The following CNBD1 variants were observed in gnomAD, a reference collection of about 807,000 sequenced individuals.
CNBD1 encodes the protein cyclic nucleotide-binding domain-containing protein 1.
In CNBD1, 71 loss-of-function variants were observed where a neutral mutation model predicts 54.4. That is an observed-to-expected ratio of 1.30 (90% CI 1.08 to 1.59). The LOEUF is 1.59. CNBD1 is among the 40% of genes most tolerant of loss of function. The pLI, the probability that CNBD1 is intolerant of heterozygous loss-of-function variation, is 0.00. For synonymous variants in CNBD1, 182 were observed against 170.7 expected, an observed-to-expected ratio of 1.07 and a Z score of -0.51; for missense variants, 659 against 518.0, an observed-to-expected ratio of 1.27 and a Z score of -2.64.
chr8:87,269,836 A>G (rs556332199), intron 6 of CNBD1, among the ~76,000 whole-genome samples: 1 of 152,064 alleles, frequency 6.6e-6, no homozygotes, highest in Non-Finnish European at 1.5e-5. Context: ...TACCAGACAT[A>G]TAAAGTAGAG....
At chr8:87,263,868 TA>T (rs960210438) in intron 6 of CNBD1, among the ~76,000 whole-genome samples, 6 of 152,184 alleles carry the variant, frequency 3.9e-5, no homozygotes, top group African/African-American at 1.4e-4. Context: ...AATCAATTTT[TA>T]AAAATCTAAT....
chr8:87,200,352 A>T (rs905286108), intron 4 of CNBD1, among the ~76,000 whole-genome samples: 2 of 152,196 alleles, frequency 1.3e-5, no homozygotes, highest in Non-Finnish European at 2.9e-5. Flanking sequence ...GAAAGCAGCA[A>T]GAGAAAATAA....
intron 4 of CNBD1, among the ~76,000 whole-genome samples, chr8:87,144,820 C>CA (rs58385807): frequency 0.052 from 5,434 of 104,190 alleles, 115 homozygotes; most frequent in Middle Eastern, 0.098. Context: ...AACTATGCCT[C>CA]AAAAAAAAAA....
intron 2 of CNBD1, among the ~76,000 whole-genome samples, chr8:87,402,990 G>A (rs1207496173): frequency 2.0e-5 from 3 of 151,968 alleles, no homozygotes; most frequent in Non-Finnish European, 4.4e-5. Context: ...AAGTATTTAT[G>A]TATTTTATCA....
intron 8 of CNBD1, among the ~76,000 whole-genome samples, chr8:87,304,943 A>C (rs771907813): frequency 9.9e-5 from 15 of 152,162 alleles, no homozygotes; most frequent in Non-Finnish European, 1.9e-4. Flanking sequence ...AAGGGCATCC[A>C]AATTGGTAAA....
intron 3 of CNBD1, among the ~76,000 whole-genome samples, chr8:86,923,140 C>T (rs938637447): frequency 1.3e-4 from 20 of 152,098 alleles, no homozygotes; most frequent in Admixed American, 6.6e-5. Flanking sequence ...TTTAATAAAG[C>T]GAGAAAGCAC....
chr8:87,241,847 G>A (rs1242417529), intron 6 of CNBD1, among the ~76,000 whole-genome samples: 3 of 152,038 alleles, frequency 2.0e-5, no homozygotes, highest in Non-Finnish European at 2.9e-5. Context: ...ATAAGAAAAG[G>A]CAATGGTTCT....
At position 87,310,229 on chromosome 8, in the gene CNBD1, T is replaced by C. The variant is rs146950841; in HGVS notation, c.1042+23558T>C. ...AAAATTAGCTTGGTGTGGTGGCACATGCTATAGTCCCAGCACTCAGGAAGC... is the reference window on the plus strand; with the variant it reads ...AAAATTAGCTTGGTGTGGTGGCACACGCTATAGTCCCAGCACTCAGGAAGC... On this transcript the variant is annotated intron_variant, in intron 8 of 10. Transcript: ENST00000518476. 2.0e-5 allele frequency among the ~76,000 whole-genome samples: 3 copies of C among 151,932 alleles called. No individual in the cohort carries two copies. In the East Asian group the frequency reaches 5.8e-4, roughly 29 times the overall value.
chr8:86,881,078 T>C (rs563658665), intron 1 of CNBD1, among the ~76,000 whole-genome samples: 1 of 152,262 alleles, frequency 6.6e-6, no homozygotes, highest in African/African-American at 2.4e-5. Flanking sequence ...TCATACTGAA[T>C]GGGCAAAAGC....
chr8:87,232,235 A>G (rs1807458255), intron 5 of CNBD1, among the ~76,000 whole-genome samples: 2 of 152,276 alleles, frequency 1.3e-5, no homozygotes, highest in South Asian at 4.1e-4. Flanking sequence ...TGCTAGTAAC[A>G]TCCTTGTACA....
chr8:87,257,346 G>A (rs1374533080), intron 6 of CNBD1, among the ~76,000 whole-genome samples: 3 of 114,710 alleles, frequency 2.6e-5, no homozygotes, highest in Non-Finnish European at 5.3e-5. Flanking sequence ...TCCAACCTGG[G>A]CAACAAGAGC....
At chr8:86,953,390 A>G (rs1807675457) in intron 4 of CNBD1, among the ~76,000 whole-genome samples, 2 of 152,218 alleles carry the variant, frequency 1.3e-5, no homozygotes, top group Non-Finnish European at 2.9e-5. Context: ...ACAGTGAAAA[A>G]CACAATTAAC....
intron 4 of CNBD1, among the ~76,000 whole-genome samples, chr8:87,054,467 C>A (rs1033937316): frequency 6.6e-6 from 1 of 152,138 alleles, no homozygotes; most frequent in African/African-American, 2.4e-5. Context: ...CTTGGAATCT[C>A]CCTGTTTCAA....
At chr8:87,070,297 A>G (rs555878110) in intron 4 of CNBD1, among the ~76,000 whole-genome samples, 2 of 152,208 alleles carry the variant, frequency 1.3e-5, no homozygotes, top group South Asian at 4.1e-4. Flanking sequence ...GACTAGCATT[A>G]GTGTTTTTTG....
chr8:86,981,988 C>G (rs1808498159), intron 4 of CNBD1, among the ~76,000 whole-genome samples: 2 of 152,122 alleles, frequency 1.3e-5, no homozygotes, highest in Admixed American at 1.3e-4. Flanking sequence ...ACTGACTTAC[C>G]ATTTTCTAAC....
intron 4 of CNBD1, among the ~76,000 whole-genome samples, chr8:87,018,463 G>A (rs1195447219): frequency 6.6e-6 from 1 of 151,942 alleles, no homozygotes; most frequent in Non-Finnish European, 1.5e-5. Flanking sequence ...CTTTTTTTAA[G>A]TACAAATTAA....
intron 6 of CNBD1, among the ~76,000 whole-genome samples, chr8:87,268,930 G>A (rs1034352498): frequency 2.0e-5 from 3 of 151,928 alleles, no homozygotes; most frequent in Non-Finnish European, 4.4e-5. Flanking sequence ...AGCTTAATTA[G>A]GTCCTACTTG....
chr8:86,913,488 A>G (rs1281316791), intron 3 of CNBD1, among the ~76,000 whole-genome samples: 2 of 152,282 alleles, frequency 1.3e-5, no homozygotes, highest in African/African-American at 4.8e-5. Context: ...AAAGGGAAAA[A>G]GCACAAAAGA....
At chr8:87,385,469 T>G (rs1811163790), downstream of CNBD1, among the ~76,000 whole-genome samples, 1 of 152,108 alleles carries the variant, frequency 6.6e-6, no homozygotes, top group Non-Finnish European at 1.5e-5. Flanking sequence ...CAGGAGATTA[T>G]ATCCTGCACA....
Sources: gnomAD v4.1 joint callset for allele counts (sites outside exome capture counted in the v4.1 genomes callset) on GRCh38, gnomAD v4.1.1 for gene constraint, MANE v1.5 for transcripts, NCBI Gene and HGNC (gene_info 2026-07-23, HGNC 2026-07-21) for gene names.